The following TXLNB variants were observed in gnomAD, a reference collection of about 807,000 sequenced individuals.
TXLNB encodes taxilin beta.
Under a neutral mutation model 57.4 loss-of-function variants are expected in TXLNB, and 37 were observed. That is an observed-to-expected ratio of 0.64 (90% confidence interval 0.50 to 0.85). The LOEUF (loss-of-function observed/expected upper bound fraction) is 0.85, where lower values mean the gene tolerates loss of function less well. Among genes scored for constraint, TXLNB ranks in the 40% least tolerant of loss-of-function variants. The pLI, the probability that TXLNB is intolerant of heterozygous loss-of-function variation, is 0.00. For synonymous variants in TXLNB, 302 were observed against 309.6 expected (o/e 0.98, Z 0.26); for missense variants, 848 against 825.6 (o/e 1.03, Z -0.33).
the TXLNB span, among the ~76,000 whole-genome samples, chr6:139,315,451 C>A: frequency 6.6e-6 from 1 of 152,128 alleles, no homozygotes; most frequent in Non-Finnish European, 1.5e-5. Flanking sequence ...TCCATTTGTT[C>A]CTGACATAAA....
At chr6:139,230,478 A>G in the TXLNB span, among the ~76,000 whole-genome samples, 1 of 152,234 alleles carries the variant, frequency 6.6e-6, no homozygotes, top group African/African-American at 2.4e-5. Flanking sequence ...CTCCGCCTCC[A>G]AGGACGTCAC....
chr6:139,188,775 G>A, the TXLNB span, among the ~76,000 whole-genome samples: 1 of 149,942 alleles, frequency 6.7e-6, no homozygotes, highest in Non-Finnish European at 1.5e-5. Flanking sequence ...TCTTTTTTGA[G>A]ACGAAGTCTT....
chr6:139,162,870 C>T, the TXLNB span, among the ~76,000 whole-genome samples: 1 of 152,130 alleles, frequency 6.6e-6, no homozygotes, highest in African/African-American at 2.4e-5. Flanking sequence ...AGGTTTTGGC[C>T]TGTATTCCCT....
the TXLNB span, among the ~76,000 whole-genome samples, chr6:139,308,310 T>G: frequency 6.6e-6 from 1 of 152,178 alleles, no homozygotes; most frequent in Non-Finnish European, 1.5e-5. Context: ...CCTGCCTGGT[T>G]GCAAAAAATT....
chr6:139,318,313 TAAATAAG>T, the TXLNB span, among the ~76,000 whole-genome samples: 1 of 147,586 alleles, frequency 6.8e-6, no homozygotes, highest in Non-Finnish European at 1.5e-5. Flanking sequence ...ATGGAACTGC[TAAATAAG>T]AAATATGAAA....
chr6:139,223,116 G>C, the TXLNB span, among the ~76,000 whole-genome samples: 5 of 152,258 alleles, frequency 3.3e-5, no homozygotes, highest in Middle Eastern at 3.4e-3. Flanking sequence ...AAATCATATA[G>C]TATAGTCCAT....
intron 7 of TXLNB, among the ~76,000 whole-genome samples, chr6:139,252,881 C>T (rs1358834878): frequency 6.6e-6 from 1 of 152,146 alleles, no homozygotes; most frequent in African/African-American, 2.4e-5. Flanking sequence ...GTCCCGGCTA[C>T]TCGGGAGGCT....
At chr6:139,167,227 C>G in the TXLNB span, 3 of 1,614,018 alleles carry the variant, frequency 1.9e-6, no homozygotes, top group African/African-American at 4.0e-5. Flanking sequence ...ACCGGGCGCT[C>G]CCGGTGTTCG....
chr6:139,182,888 A>G, the TXLNB span: 1 of 152,248 alleles, frequency 6.6e-6, no homozygotes, highest in African/African-American at 2.4e-5. Context: ...TCAGTGTTCA[A>G]ATGGAATTGG....
the TXLNB span, chr6:139,200,089 G>T: frequency 6.6e-6 from 1 of 152,084 alleles, no homozygotes; most frequent in Non-Finnish European, 1.5e-5. Flanking sequence ...GGAAGATATG[G>T]GACTCCTTTG....
At chr6:139,194,372 A>G in the TXLNB span, among the ~76,000 whole-genome samples, 1 of 152,226 alleles carries the variant, frequency 6.6e-6, no homozygotes, top group African/African-American at 2.4e-5. Flanking sequence ...CAGAGTATCT[A>G]TCAGACATTT....
chr6:139,187,453 T>A, the TXLNB span, among the ~76,000 whole-genome samples: 1 of 152,328 alleles, frequency 6.6e-6, no homozygotes, highest in East Asian at 1.9e-4. Context: ...CATGTTTAAT[T>A]CAGTATTTTG....
At chr6:139,251,862 T>A (rs1451964716) in intron 7 of TXLNB, among the ~76,000 whole-genome samples, 6 of 152,238 alleles carry the variant, frequency 3.9e-5, no homozygotes, top group Non-Finnish European at 8.8e-5. Context: ...AGCAGTGCTC[T>A]CCTCTCACCC....
chr6:139,199,356 A>G, the TXLNB span, among the ~76,000 whole-genome samples: 1 of 152,170 alleles, frequency 6.6e-6, no homozygotes, highest in African/African-American at 2.4e-5. Flanking sequence ...GCTGCTGTCT[A>G]CCTGATGTCC....
chr6:139,295,824 G>A (rs1470365603), upstream of TXLNB, among the ~76,000 whole-genome samples: 1 of 152,008 alleles, frequency 6.6e-6, no homozygotes, highest in Non-Finnish European at 1.5e-5. Context: ...TGTGATTATA[G>A]TTCTATTCAT....
chr6:139,308,153 C>T, the TXLNB span, among the ~76,000 whole-genome samples: 3 of 152,086 alleles, frequency 2.0e-5, no homozygotes, highest in South Asian at 4.2e-4. Context: ...TGCTATTAAA[C>T]GAAGAGGCAA....
intron 8 of TXLNB, among the ~76,000 whole-genome samples, chr6:139,246,127 C>T (rs183368107): frequency 6.6e-6 from 1 of 152,250 alleles, no homozygotes; most frequent in East Asian, 1.9e-4. Flanking sequence ...AGGTCAACTA[C>T]TAACGTCCAT....
intron 3 of TXLNB, among the ~76,000 whole-genome samples, chr6:139,271,086 A>G (rs140466142): frequency 6.6e-6 from 1 of 152,284 alleles, no homozygotes; most frequent in Non-Finnish European, 1.5e-5. Flanking sequence ...AAAAATAGGA[A>G]AGAGAAATGC....
chr6:139,241,072 C>T lies in TXLNB; in HGVS notation c.*1454G>A, dbSNP rs1775922593. The T allele has an allele frequency of 6.6e-6, 1 of 152,018 alleles. No individual in the cohort carries two copies. Among genetic ancestry groups the T allele is most frequent in the South Asian group, 2.1e-4 (1 of 4,824 alleles). 9.4% of individuals were successfully genotyped at this position (152,018 alleles called of 1,614,324 possible). On this transcript the variant is annotated 3_prime_UTR_variant, in exon 10 of 10. Coordinates refer to ENST00000358430, the MANE Select transcript of TXLNB (RefSeq NM_153235.4). ...CTTTACCCTAGGTAATTTATGTTGTCAGTATCATTAGAGGTTCTCATCAAG... is the reference window on the plus strand; with the variant it reads ...CTTTACCCTAGGTAATTTATGTTGTTAGTATCATTAGAGGTTCTCATCAAG...
Sources: allele counts gnomAD v4.1 joint callset (sites outside exome capture counted in the v4.1 genomes callset), GRCh38; gene constraint gnomAD v4.1.1; transcripts MANE v1.5; gene names NCBI Gene and HGNC (gene_info 2026-07-23, HGNC 2026-07-21).